Variants in FRY observed in about 807,000 individuals in gnomAD.
The protein encoded by FRY is protein furry homolog.
FRY carries 128 observed loss-of-function variants against 348.4 expected under a neutral mutation model. That is an observed-to-expected ratio of 0.37 (90% CI 0.32 to 0.43). The LOEUF is 0.43. Ranked by LOEUF, FRY falls within the 20% of genes least tolerant of loss-of-function variation. FRY has a pLI of 1.00. For missense variants in FRY, 2,736 were observed against 3,695.2 expected (o/e 0.74, Z 6.73); for synonymous variants, 1,370 against 1,374.7 (o/e 1.00, Z 0.08).
At chr13:32,210,694 G>A (rs1332971314) in intron 33 of FRY, among the ~76,000 whole-genome samples, 172 bp from the exon 34 acceptor site, 1 of 152,210 alleles carries the variant, frequency 6.6e-6, no homozygotes, top group Non-Finnish European at 1.5e-5. Flanking sequence ...CCGATGAAGA[G>A]AGGTGAATTT....
chr13:32,133,232 G>A (rs1343421603), intron 8 of FRY, among the ~76,000 whole-genome samples: 2 of 152,020 alleles, frequency 1.3e-5, no homozygotes, highest in Non-Finnish European at 2.9e-5. Flanking sequence ...TATATTGGGG[G>A]GACTATGTAT....
chr13:32,129,131 C>T (rs1384108155), intron 7 of FRY, among the ~76,000 whole-genome samples: 1 of 152,128 alleles, frequency 6.6e-6, no homozygotes, highest in Non-Finnish European at 1.5e-5. Context: ...GAAGGGGAGA[C>T]GAGTACAGAG....
chr13:32,188,188 T>C (rs1046675798), intron 28 of FRY, among the ~76,000 whole-genome samples: 6 of 152,094 alleles, frequency 3.9e-5, no homozygotes, highest in African/African-American at 1.4e-4. Context: ...TTTAAAAATA[T>C]AAACTTTATT....
At chr13:32,051,368 G>A (rs1236585178) in intron 1 of FRY, among the ~76,000 whole-genome samples, 2 of 152,146 alleles carry the variant, frequency 1.3e-5, no homozygotes, top group Non-Finnish European at 2.9e-5. Context: ...TGACTGGCAA[G>A]AGCAGATGGA....
intron 49 of FRY, among the ~76,000 whole-genome samples, chr13:32,250,775 A>G (rs775752265): frequency 3.9e-5 from 6 of 152,240 alleles, no homozygotes; most frequent in Non-Finnish European, 7.3e-5. Flanking sequence ...TGGAACATGT[A>G]GCATAGTGCC....
chr13:32,080,090 C>T (rs1173024576), intron 2 of FRY, among the ~76,000 whole-genome samples: 3 of 152,180 alleles, frequency 2.0e-5, no homozygotes, highest in Non-Finnish European at 4.4e-5. Context: ...CTGAAAGTTA[C>T]AAACTTTGCA....
rs1222814620 is a variant in FRY, at chr13:32,198,807, A to G, written c.3747-3134A>G. Among the ~76,000 whole-genome samples, 6 of 152,316 alleles carry G rather than the reference A, an allele frequency of 3.9e-5. No individual in the cohort carries two copies. The South Asian group carries it at 8.3e-4, about 21-fold the overall frequency. ...CAAACTTAGACTGTGTTTATTTAAA[A>G]ATACAAGTTACAGAAAAATAAACAT... On this transcript the variant is annotated intron_variant, in intron 29 of 60. Transcript: ENST00000542859.
At chr13:32,251,753 G>T in intron 49 of FRY, 125 bp from the exon 50 acceptor site, 2 of 718,716 alleles carry the variant, frequency 2.8e-6, no homozygotes, top group Non-Finnish European at 5.2e-6. Context: ...ATACTTTTGT[G>T]TATTTTACAT....
intron 31 of FRY, among the ~76,000 whole-genome samples, chr13:32,205,101 G>T (rs1375173887): frequency 6.6e-6 from 1 of 151,090 alleles, no homozygotes; most frequent in Non-Finnish European, 1.5e-5. Flanking sequence ...TACTCAGGAG[G>T]CTGAGGCACA....
chr13:32,250,338 C>T (rs1484710747), intron 49 of FRY, among the ~76,000 whole-genome samples: 2 of 152,186 alleles, frequency 1.3e-5, no homozygotes, highest in South Asian at 2.1e-4. Context: ...TATTAACTTA[C>T]TCATCTTGGC....
rs2072064642 is a variant in FRY, at chr13:32,296,469, A to C, written c.*1009A>C. 6.6e-6 allele frequency: 1 copy of C among 152,634 alleles called. No homozygotes were observed. The highest frequency in any genetic ancestry group is 1.5e-5 in the Non-Finnish European group (1 of 68,044). 9.5% of individuals were successfully genotyped at this position (152,634 alleles called of 1,614,324 possible). On this transcript the variant is annotated 3_prime_UTR_variant, in exon 61 of 61. Coordinates refer to ENST00000542859, the MANE Select transcript of FRY (RefSeq NM_023037.3). ...TTCTCTCCTTAAACTTAATGCTGTC[A>C]AGTGTTAGATGTGTGCATGTGAACT... is the stretch of plus-strand genomic sequence containing the variant.
chr13:32,290,839 G>T (rs999339706), intron 59 of FRY, among the ~76,000 whole-genome samples: 2 of 152,050 alleles, frequency 1.3e-5, no homozygotes, highest in African/African-American at 4.8e-5. Context: ...GGAGAAAGAA[G>T]AGTTGAGGAG....
intron 2 of FRY, among the ~76,000 whole-genome samples, chr13:32,090,106 T>G (rs759985938): frequency 6.6e-6 from 1 of 151,628 alleles, no homozygotes; most frequent in Non-Finnish European, 1.5e-5. Flanking sequence ...CCCAGCACTT[T>G]GGGAGGCCGA....
chr13:32,085,829 G>T (rs1375528458), intron 2 of FRY: 1 of 518,304 alleles, frequency 1.9e-6, no homozygotes, highest in East Asian at 5.4e-5. Flanking sequence ...TCAGGTGCCT[G>T]TCCTGAGCTC....
At chr13:32,262,032 G>A (rs908725552) in intron 52 of FRY, among the ~76,000 whole-genome samples, 5 of 152,148 alleles carry the variant, frequency 3.3e-5, no homozygotes, top group Admixed American at 1.3e-4. Flanking sequence ...CACCCTGAAA[G>A]CCACCAGATC....
intron 31 of FRY, among the ~76,000 whole-genome samples, chr13:32,204,264 C>T (rs934824089): frequency 1.3e-5 from 2 of 152,156 alleles, no homozygotes; most frequent in South Asian, 2.1e-4. Context: ...GCAGCTGGCC[C>T]AGTCCTGGCA....
chr13:32,124,141 G>A (rs1019742375), intron 4 of FRY, 145 bp from the exon 5 acceptor site: 3 of 642,134 alleles, frequency 4.7e-6, no homozygotes, highest in African/African-American at 3.7e-5. Flanking sequence ...CCCGGCCAAC[G>A]TTAGCATGTA....
At chr13:32,100,506 A>T (rs1877084980) in intron 2 of FRY, among the ~76,000 whole-genome samples, 1 of 151,180 alleles carries the variant, frequency 6.6e-6, no homozygotes, top group African/African-American at 2.5e-5. Context: ...TTTTTATAAA[A>T]TTGGCAAATA....
At chr13:32,164,149 G>A (rs1268317040) in intron 17 of FRY, among the ~76,000 whole-genome samples, 1 of 152,168 alleles carries the variant, frequency 6.6e-6, no homozygotes, top group East Asian at 1.9e-4. Context: ...CAAAAGTGAA[G>A]TAATTCAATA....
Sources: gnomAD v4.1 joint callset for allele counts (sites outside exome capture counted in the v4.1 genomes callset) on GRCh38, gnomAD v4.1.1 for gene constraint, MANE v1.5 for transcripts, NCBI Gene and HGNC (gene_info 2026-07-23, HGNC 2026-07-21) for gene names.